The following CDH2 variants were observed in gnomAD, a reference collection of about 807,000 sequenced individuals.
CDH2 encodes cadherin 2.
In CDH2, 17 loss-of-function variants were observed where a neutral mutation model predicts 92.0. That is an observed-to-expected ratio of 0.18 (90% CI 0.13 to 0.28). CDH2 has a LOEUF of 0.28. Among genes scored for constraint, CDH2 ranks in the 10% least tolerant of loss-of-function variants. CDH2 has a pLI of 1.00. For synonymous variants in CDH2, 419 were observed against 415.9 expected, an observed-to-expected ratio of 1.01 and a Z score of -0.09; for missense variants, 862 against 1,133.1, an observed-to-expected ratio of 0.76 and a Z score of 3.44.
chr18:28,077,018 C>T (rs544623985), intron 2 of CDH2, among the ~76,000 whole-genome samples: 1 of 152,086 alleles, frequency 6.6e-6, no homozygotes, highest in South Asian at 2.1e-4. Context: ...CATTAGTCAT[C>T]ATCAACTATG....
chr18:27,948,341 A>C (rs1056492454), downstream of CDH2, among the ~76,000 whole-genome samples: 2 of 152,062 alleles, frequency 1.3e-5, no homozygotes, highest in East Asian at 3.9e-4. Context: ...ACAGACCTTT[A>C]TCTAGAAATG....
chr18:28,033,254 A>T (rs772677404), intron 2 of CDH2, among the ~76,000 whole-genome samples: 6 of 152,056 alleles, frequency 3.9e-5, no homozygotes, highest in Non-Finnish European at 8.8e-5. Context: ...TTTGTCAATG[A>T]TTAGTATTTG....
intron 1 of CDH2, among the ~76,000 whole-genome samples, chr18:28,156,493 CACCTTCCCAGGTATAGA>C (rs1308181668): frequency 2.8e-5 from 4 of 143,652 alleles, no homozygotes; most frequent in Admixed American, 6.8e-5. Context: ...TACAGAATGT[CACCTTCCCAGGTATAGA>C]ATGTCACCTT....
chr18:28,100,512 C>A (rs900200157), intron 2 of CDH2, among the ~76,000 whole-genome samples: 4 of 152,188 alleles, frequency 2.6e-5, no homozygotes, highest in Non-Finnish European at 5.9e-5. Context: ...ATTCCATAAT[C>A]CCATGAGCTA....
chr18:27,961,887 C>A (rs1210345901), intron 15 of CDH2, among the ~76,000 whole-genome samples: 1 of 151,906 alleles, frequency 6.6e-6, no homozygotes, highest in Non-Finnish European at 1.5e-5. Context: ...ATCATTTGAG[C>A]CCAAGAATTC....
chr18:28,019,507 C>T (rs192677634), intron 2 of CDH2, among the ~76,000 whole-genome samples: 1 of 152,142 alleles, frequency 6.6e-6, no homozygotes, highest in East Asian at 1.9e-4. Flanking sequence ...TCAGGTGTCA[C>T]AGTGCTTGAG....
intron 2 of CDH2, among the ~76,000 whole-genome samples, chr18:28,025,683 TAC>T (rs1193713113): frequency 1.3e-5 from 2 of 151,832 alleles, no homozygotes; most frequent in Non-Finnish European, 2.9e-5. Flanking sequence ...GTACATGTAC[TAC>T]AGTGATCAAA....
At chr18:28,132,121 T>C (rs149702170) in intron 2 of CDH2, among the ~76,000 whole-genome samples, 113 of 152,354 alleles carry the variant, frequency 7.4e-4, no homozygotes, top group African/African-American at 2.7e-3. Context: ...TTCCCCTTTC[T>C]GGCCTTCGCC....
At chr18:28,042,917 C>T (rs1056567496) in intron 2 of CDH2, among the ~76,000 whole-genome samples, 1 of 152,096 alleles carries the variant, frequency 6.6e-6, no homozygotes, top group Non-Finnish European at 1.5e-5. Flanking sequence ...ATTTGAAAAT[C>T]GAAGATATGG....
intron 6 of CDH2, among the ~76,000 whole-genome samples, chr18:27,933,653 T>A (rs925328029): frequency 6.6e-6 from 1 of 152,206 alleles, no homozygotes; most frequent in Non-Finnish European, 1.5e-5. Context: ...TGGCTTTTAC[T>A]TTGAGAGATT....
At chr18:27,936,907 C>T (rs934578953) in intron 6 of CDH2, among the ~76,000 whole-genome samples, 1 of 152,232 alleles carries the variant, frequency 6.6e-6, no homozygotes. Context: ...AGGAGACTGG[C>T]ATTTTGTTAT....
chr18:28,112,418 C>A (rs577666807), intron 2 of CDH2, among the ~76,000 whole-genome samples: 6 of 152,242 alleles, frequency 3.9e-5, no homozygotes, highest in African/African-American at 1.4e-4. Context: ...AGAGATGATA[C>A]CAAATGGCCA....
At chr18:28,104,826 A>C (rs2015295102) in intron 2 of CDH2, among the ~76,000 whole-genome samples, 1 of 151,646 alleles carries the variant, frequency 6.6e-6, no homozygotes, top group Non-Finnish European at 1.5e-5. Context: ...ATTATGCTTA[A>C]TTCTGTTTGT....
chr18:28,031,792 A>G (rs2013702683), intron 2 of CDH2, among the ~76,000 whole-genome samples: 1 of 152,160 alleles, frequency 6.6e-6, no homozygotes. Flanking sequence ...TAGATTTCAT[A>G]GCTAAAGCTA....
intron 2 of CDH2, among the ~76,000 whole-genome samples, chr18:28,125,106 G>C (rs17536367): frequency 9.2e-5 from 14 of 152,236 alleles, no homozygotes; most frequent in African/African-American, 3.1e-4. Flanking sequence ...TGAGACATTA[G>C]AAAACTTCTA....
intron 2 of CDH2, among the ~76,000 whole-genome samples, chr18:28,101,530 C>T (rs1036966621): frequency 1.3e-5 from 2 of 152,138 alleles, no homozygotes; most frequent in African/African-American, 4.8e-5. Flanking sequence ...ACTGTAACTA[C>T]ACTTGTGATT....
intron 2 of CDH2, among the ~76,000 whole-genome samples, chr18:28,030,314 G>A (rs2013660957): frequency 6.6e-6 from 1 of 151,918 alleles, no homozygotes; most frequent in Non-Finnish European, 1.5e-5. Context: ...AGTATTAAGT[G>A]TAAATTTTTT....
At chr18:27,944,572 C>G (rs1286428325) in intron 6 of CDH2, among the ~76,000 whole-genome samples, 1 of 151,906 alleles carries the variant, frequency 6.6e-6, no homozygotes, top group East Asian at 1.9e-4. Flanking sequence ...ATGTTCTAAT[C>G]AACAGGCTTC....
intron 2 of CDH2, among the ~76,000 whole-genome samples, chr18:28,049,601 A>T (rs1200677855): frequency 6.6e-6 from 1 of 152,216 alleles, no homozygotes; most frequent in Non-Finnish European, 1.5e-5. Context: ...TGAACGGCAT[A>T]TTGATCATAA....
Sources: gnomAD v4.1 joint callset for allele counts (sites outside exome capture counted in the v4.1 genomes callset) on GRCh38, gnomAD v4.1.1 for gene constraint, MANE v1.5 for transcripts, NCBI Gene and HGNC (gene_info 2026-07-23, HGNC 2026-07-21) for gene names.